ZNF267: variants seen among roughly 807,000 people sequenced by gnomAD.
The protein encoded by ZNF267 is zinc finger (C2H2).
ZNF267 carries 61 observed loss-of-function variants against 71.6 expected under a neutral mutation model. That is an observed-to-expected ratio of 0.85 (90% CI 0.69 to 1.05). ZNF267 has a LOEUF of 1.05. Among genes scored for constraint, ZNF267 ranks in the 50% least tolerant of loss-of-function variants. The pLI is 0.00. For missense variants in ZNF267, 852 were observed against 870.0 expected, an observed-to-expected ratio of 0.98 and a Z score of 0.26; for synonymous variants, 288 against 293.2, an observed-to-expected ratio of 0.98 and a Z score of 0.18.
intron 3 of ZNF267, among the ~76,000 whole-genome samples, chr16:31,906,902 A>G (rs181055267): frequency 1.3e-5 from 2 of 151,978 alleles, no homozygotes; most frequent in East Asian, 3.9e-4. Context: ...AGCTGTTCCT[A>G]TTGGCCATCT....
chr16:31,881,821 T>C (rs1443779963), intron 1 of ZNF267, among the ~76,000 whole-genome samples: 1 of 152,030 alleles, frequency 6.6e-6, no homozygotes, highest in African/African-American at 2.4e-5. Flanking sequence ...TGTGCCACCA[T>C]GCACAGCTGA....
chr16:31,893,774 C>T (rs965248281), intron 3 of ZNF267, among the ~76,000 whole-genome samples: 4 of 152,172 alleles, frequency 2.6e-5, no homozygotes, highest in African/African-American at 9.7e-5. Flanking sequence ...TGTTGATGGT[C>T]CTATATATAG....
chr16:31,885,761 A>C (rs931408293), intron 3 of ZNF267, among the ~76,000 whole-genome samples: 4 of 152,232 alleles, frequency 2.6e-5, no homozygotes, highest in Non-Finnish European at 5.9e-5. Flanking sequence ...TATAGAAATT[A>C]AGATGCAGTA....
intron 3 of ZNF267, chr16:31,894,884 A>G (rs1350418028): frequency 5.0e-6 from 2 of 400,000 alleles, no homozygotes; most frequent in South Asian, 4.6e-5. Flanking sequence ...AATCTCTTTC[A>G]TGACCAACCT....
At chr16:31,894,949 A>T in intron 3 of ZNF267, 1 of 350,042 alleles carries the variant, frequency 2.9e-6, no homozygotes, top group Non-Finnish European at 5.7e-6. Flanking sequence ...GTGTGTTAAG[A>T]AGACAGCCTC....
chr16:31,905,425 A>T (rs547905496), intron 3 of ZNF267, among the ~76,000 whole-genome samples: 7 of 152,328 alleles, frequency 4.6e-5, no homozygotes, highest in South Asian at 4.1e-4. Flanking sequence ...AGGTACACCA[A>T]TGAGACGTAG....
At chr16:31,906,051 C>G (rs1308550764) in intron 3 of ZNF267, among the ~76,000 whole-genome samples, 1 of 152,214 alleles carries the variant, frequency 6.6e-6, no homozygotes, top group Non-Finnish European at 1.5e-5. Context: ...GAGGTCCACT[C>G]CAGACCCTGT....
intron 3 of ZNF267, among the ~76,000 whole-genome samples, chr16:31,896,697 G>A (rs547753132): frequency 3.9e-5 from 6 of 152,234 alleles, no homozygotes; most frequent in East Asian, 3.9e-4. Flanking sequence ...AAATTTTGAC[G>A]TAAGGTATTG....
chr16:31,873,808 G>A lies in ZNF267; in HGVS notation c.-159G>A. On this transcript the variant is annotated 5_prime_UTR_variant, in exon 1 of 4. Coordinates refer to ENST00000300870, the MANE Select transcript of ZNF267 (RefSeq NM_003414.6). ...TTGGCGGGGGCCTTCGTCGGCTCCAGTTAGAGCTCGGGTCTCCTCGCCACA... is the reference window on the plus strand; with the variant it reads ...TTGGCGGGGGCCTTCGTCGGCTCCAATTAGAGCTCGGGTCTCCTCGCCACA... The A allele has an allele frequency of 1.0e-6, 1 of 993,304 alleles. No individual in the cohort carries two copies. The highest frequency in any genetic ancestry group is 1.6e-6 in the Non-Finnish European group (1 of 640,140). 61.5% of individuals were successfully genotyped at this position (993,304 alleles called of 1,614,324 possible).
At chr16:31,911,002 A>C (rs1460710051) in intron 3 of ZNF267, among the ~76,000 whole-genome samples, 1 of 151,502 alleles carries the variant, frequency 6.6e-6, no homozygotes, top group African/African-American at 2.4e-5. Flanking sequence ...ATAGTTTCCA[A>C]AATTCTTGTT....
At chr16:31,875,078 A>G (rs1013232868) in intron 1 of ZNF267, 33 of 1,271,630 alleles carry the variant, frequency 2.6e-5, no homozygotes, top group Non-Finnish European at 3.0e-5. Context: ...TTTTTCATTC[A>G]TCTTCCCCAG....
intron 3 of ZNF267, among the ~76,000 whole-genome samples, chr16:31,894,170 C>G (rs1425522512): frequency 6.6e-6 from 1 of 152,216 alleles, no homozygotes; most frequent in Non-Finnish European, 1.5e-5. Flanking sequence ...GCTTTATGGA[C>G]ATCTTCTTGC....
At chr16:31,908,071 T>C (rs2084106449) in intron 3 of ZNF267, among the ~76,000 whole-genome samples, 1 of 151,810 alleles carries the variant, frequency 6.6e-6, no homozygotes, top group Non-Finnish European at 1.5e-5. Context: ...TAATAATAAA[T>C]ACACTAGGTG....
At chr16:31,904,927 T>C (rs1434047345) in intron 3 of ZNF267, among the ~76,000 whole-genome samples, 2 of 152,188 alleles carry the variant, frequency 1.3e-5, no homozygotes, top group East Asian at 1.9e-4. Context: ...CTGGTACCGG[T>C]TGTTCCTTTC....
rs373807463 is a variant in ZNF267 at position 31,908,641 on chromosome 16, G to GT, written c.227-5826dup. 3.3e-3 allele frequency among the ~76,000 whole-genome samples: 505 copies of GT among 150,832 alleles called. 3 individuals carry two copies. Among genetic ancestry groups the GT allele is most frequent in the African/African-American group, 0.01 (420 of 41,164 alleles). On this transcript the variant is annotated intron_variant, in intron 3 of 3. Transcript: ENST00000300870. Reference sequence around the variant, plus strand: ...TTGTCTTCATATATATGGATATCCAGTTTTTTTTTAGCACTGGTTATTGAA... The same window carrying GT: ...TTGTCTTCATATATATGGATATCCAGTTTTTTTTTTAGCACTGGTTATTGAA...
At position 31,884,623 on chromosome 16, in the gene ZNF267, G is replaced by T; in HGVS notation, c.129G>T (p.Leu43=). ...AAAACTACAGAAACCTGGTCTCTCT[G>T]GGTGAGGATAACTTGCCTTCGGAAT... ...MLENYRNLVS[L]GLVVSKPDLI... is the part of the protein sequence containing the mutation. Residue 43 remains leucine (L), a splice_region_variant and synonymous_variant, in exon 2 of 4, where the codon CTG becomes CTT. Coordinates refer to ENST00000300870, the MANE Select transcript of ZNF267 (RefSeq NM_003414.6). The T allele has an allele frequency of 6.2e-7, 1 of 1,611,166 alleles. No individual in the cohort carries two copies. The highest frequency in any genetic ancestry group is 8.5e-7 in the Non-Finnish European group (1 of 1,179,064).
At chr16:31,912,266 G>C (rs1567238969) in intron 3 of ZNF267, 2 of 151,562 alleles carry the variant, frequency 1.3e-5, no homozygotes, top group Non-Finnish European at 2.9e-5. Context: ...TGTTTGTCTG[G>C]GAAGGTCATT....
chr16:31,912,056 CATT>C (rs1401683501), intron 3 of ZNF267: 2 of 151,566 alleles, frequency 1.3e-5, no homozygotes, highest in African/African-American at 4.9e-5. Context: ...ATTGAGTCAT[CATT>C]GAGTATTTCT....
At chr16:31,899,524 T>A (rs2084023093) in intron 3 of ZNF267, among the ~76,000 whole-genome samples, 1 of 152,128 alleles carries the variant, frequency 6.6e-6, no homozygotes, top group Non-Finnish European at 1.5e-5. Flanking sequence ...CTGGGACACA[T>A]TTAAAGCAGT....
Sources: gnomAD v4.1 joint callset for allele counts (sites outside exome capture counted in the v4.1 genomes callset) on GRCh38, gnomAD v4.1.1 for gene constraint, MANE v1.5 for transcripts, NCBI Gene and HGNC (gene_info 2026-07-23, HGNC 2026-07-21) for gene names.